The following HDAC9 variants were observed in gnomAD, a reference collection of about 807,000 sequenced individuals.
The protein encoded by HDAC9 is histone deacetylase 9.
In HDAC9, 41 loss-of-function variants were observed where a neutral mutation model predicts 139.4. The ratio of observed to expected loss-of-function variants is 0.29; its 90% CI spans 0.23 to 0.38. The LOEUF (loss-of-function observed/expected upper bound fraction) is 0.38, where lower values mean the gene tolerates loss of function less well. HDAC9 is among the 10% of genes least tolerant of loss of function. HDAC9 has a pLI of 1.00. For synonymous variants in HDAC9, 517 were observed against 476.2 expected, an observed-to-expected ratio of 1.09 and a Z score of -1.12; for missense variants, 1,147 against 1,297.0, an observed-to-expected ratio of 0.88 and a Z score of 1.78.
At chr7:18,914,653 G>C (rs1454863089) in intron 22 of HDAC9, among the ~76,000 whole-genome samples, 1 of 152,002 alleles carries the variant, frequency 6.6e-6, no homozygotes, top group Admixed American at 6.6e-5. Flanking sequence ...GTATGAGCTG[G>C]CTTTAGCACA....
intron 2 of HDAC9, among the ~76,000 whole-genome samples, chr7:18,541,812 A>T (rs1263996546): frequency 2.0e-5 from 3 of 152,192 alleles, no homozygotes; most frequent in African/African-American, 7.2e-5. Context: ...TTTAGATAAC[A>T]ACATATGTTC....
chr7:18,318,094 A>G (rs1799783013), intron 1 of HDAC9, among the ~76,000 whole-genome samples: 2 of 152,164 alleles, frequency 1.3e-5, no homozygotes, highest in South Asian at 4.1e-4. Flanking sequence ...GAAAAGAATT[A>G]TATCAGAGCC....
chr7:18,857,777 T>C (rs1005799800), intron 21 of HDAC9, among the ~76,000 whole-genome samples: 8 of 151,946 alleles, frequency 5.3e-5, no homozygotes, highest in African/African-American at 1.7e-4. Flanking sequence ...AATAAATTAA[T>C]AAATGAAAAA....
intron 2 of HDAC9, among the ~76,000 whole-genome samples, chr7:18,189,849 G>A (rs1790206259): frequency 6.6e-6 from 1 of 152,092 alleles, no homozygotes; most frequent in Admixed American, 6.6e-5. Context: ...ATTTTTAAGA[G>A]CATGAGATAT....
chr7:18,940,446 GGCAA>G (rs1459540102), intron 23 of HDAC9, among the ~76,000 whole-genome samples: 5 of 151,956 alleles, frequency 3.3e-5, no homozygotes, highest in Middle Eastern at 3.2e-3. Context: ...TCTTTTTCTT[GGCAA>G]AGTTTAGAAC....
intron 12 of HDAC9, among the ~76,000 whole-genome samples, chr7:18,686,790 G>GA (rs1159146233): frequency 5.9e-5 from 9 of 151,714 alleles, no homozygotes; most frequent in Non-Finnish European, 7.4e-5. Context: ...ATGTTTAAAA[G>GA]AATGGTTGGA....
At chr7:18,670,099 A>G (rs1390525801) in intron 12 of HDAC9, among the ~76,000 whole-genome samples, 1 of 151,896 alleles carries the variant, frequency 6.6e-6, no homozygotes, top group South Asian at 2.1e-4. Flanking sequence ...TGAAGTGTAC[A>G]ATTTTGAATC....
At chr7:18,736,141 C>T (rs932552099) in intron 13 of HDAC9, among the ~76,000 whole-genome samples, 4 of 152,238 alleles carry the variant, frequency 2.6e-5, no homozygotes, top group Admixed American at 2.0e-4. Context: ...TGGGCTGAGA[C>T]GATAGGGTTT....
chr7:18,660,180 C>T (rs1792673099), intron 11 of HDAC9, among the ~76,000 whole-genome samples: 2 of 152,100 alleles, frequency 1.3e-5, no homozygotes, highest in Admixed American at 1.3e-4. Flanking sequence ...GTTTTCCTTG[C>T]TGAAGTTAAT....
intron 1 of HDAC9, among the ~76,000 whole-genome samples, chr7:18,349,308 AC>A (rs1408665459): frequency 7.7e-3 from 15 of 1,956 alleles, no homozygotes; most frequent in Non-Finnish European, 0.015. Flanking sequence ...GAGAACATCT[AC>A]ACACACACAC....
chr7:18,231,688 T>A (rs994176033), intron 2 of HDAC9, among the ~76,000 whole-genome samples: 3 of 152,188 alleles, frequency 2.0e-5, no homozygotes, highest in Non-Finnish European at 4.4e-5. Context: ...AGAGCCTCTA[T>A]GTGGGAGTTG....
intron 1 of HDAC9, among the ~76,000 whole-genome samples, chr7:18,304,869 A>G (rs1798807060): frequency 1.3e-5 from 2 of 152,118 alleles, no homozygotes; most frequent in South Asian, 4.1e-4. Flanking sequence ...TATGAAAATG[A>G]TCCATGCTGC....
At chr7:18,493,126 G>A (rs1161800386), upstream of HDAC9, among the ~76,000 whole-genome samples, 2 of 151,778 alleles carry the variant, frequency 1.3e-5, no homozygotes, top group East Asian at 1.9e-4. Flanking sequence ...TCAGTCTTCT[G>A]GAGTTTTATT....
At chr7:18,219,827 A>G (rs1179427636) in intron 2 of HDAC9, among the ~76,000 whole-genome samples, 1 of 152,226 alleles carries the variant, frequency 6.6e-6, no homozygotes, top group Non-Finnish European at 1.5e-5. Context: ...AGTAAGTTTA[A>G]CAGTGAGAGT....
chr7:18,809,885 T>C (rs114055843), intron 17 of HDAC9, among the ~76,000 whole-genome samples: 4,201 of 152,066 alleles, frequency 0.028, 190 homozygotes, highest in African/African-American at 0.096. Context: ...TACAGAGGAA[T>C]TGAAATCAGG....
intron 1 of HDAC9, among the ~76,000 whole-genome samples, chr7:18,356,662 G>A (rs1289579231): frequency 6.6e-6 from 1 of 152,012 alleles, no homozygotes; most frequent in Non-Finnish European, 1.5e-5. Flanking sequence ...TGATTTTTAG[G>A]TAAAGACAAT....
At chr7:18,749,273 A>G (rs1788243808) in intron 14 of HDAC9, 135 bp downstream of exon 14, 4 of 964,804 alleles carry the variant, frequency 4.1e-6, no homozygotes, top group Non-Finnish European at 6.1e-6. Flanking sequence ...TCATAGATTC[A>G]GGTAGCACAG....
intron 2 of HDAC9, among the ~76,000 whole-genome samples, chr7:18,188,912 A>G (rs1309676636): frequency 1.3e-5 from 2 of 152,216 alleles, no homozygotes; most frequent in African/African-American, 4.8e-5. Flanking sequence ...AAATTAGTTC[A>G]ACCATTGTGG....
At chr7:18,235,790 A>T (rs1793774059) in intron 2 of HDAC9, among the ~76,000 whole-genome samples, 1 of 152,214 alleles carries the variant, frequency 6.6e-6, no homozygotes. Flanking sequence ...CTAAGGTCAC[A>T]ATGCTATTAA....
Sources: gnomAD v4.1 joint callset for allele counts (sites outside exome capture counted in the v4.1 genomes callset) on GRCh38, gnomAD v4.1.1 for gene constraint, MANE v1.5 for transcripts, NCBI Gene and HGNC (gene_info 2026-07-23, HGNC 2026-07-21) for gene names.